Variants in SLC39A11 observed in about 807,000 individuals in gnomAD.
SLC39A11 encodes the protein solute carrier family 39 member 11.
Under a neutral mutation model 36.1 loss-of-function variants are expected in SLC39A11, and 33 were observed. The ratio of observed to expected loss-of-function variants is 0.91; its 90% CI spans 0.69 to 1.22. The LOEUF (loss-of-function observed/expected upper bound fraction) is 1.22, where lower values mean the gene tolerates loss of function less well. Among genes scored for constraint, SLC39A11 ranks in the 50% most tolerant of loss-of-function variants. SLC39A11 has a pLI of 0.00. For synonymous variants in SLC39A11, 166 were observed against 170.3 expected, an observed-to-expected ratio of 0.97 and a Z score of 0.20; for missense variants, 432 against 430.3, an observed-to-expected ratio of 1.00 and a Z score of -0.03.
At chr17:72,816,533 A>T (rs1440466893) in intron 6 of SLC39A11, among the ~76,000 whole-genome samples, 1 of 152,208 alleles carries the variant, frequency 6.6e-6, no homozygotes, top group Non-Finnish European at 1.5e-5. Flanking sequence ...CATTAAGGAA[A>T]GCAACAGGGT....
chr17:72,687,014 T>C (rs1342605447), intron 7 of SLC39A11, among the ~76,000 whole-genome samples: 2 of 152,202 alleles, frequency 1.3e-5, no homozygotes, highest in Admixed American at 6.5e-5. Context: ...AAAGTCCTTT[T>C]TTTTAAGTGT....
At chr17:73,081,735 A>ATATATGTATGTG (rs2060537118) in intron 3 of SLC39A11, among the ~76,000 whole-genome samples, 2 of 119,514 alleles carry the variant, frequency 1.7e-5, no homozygotes, top group Admixed American at 8.9e-5. Flanking sequence ...ATATGTATGT[A>ATATATGTATGTG]TATATATATA....
intron 7 of SLC39A11, among the ~76,000 whole-genome samples, chr17:72,702,706 G>C (rs954381392): frequency 6.6e-6 from 1 of 151,978 alleles, no homozygotes; most frequent in South Asian, 2.1e-4. Context: ...GGAGGCTGAG[G>C]CGGGTGGATC....
At chr17:72,941,909 C>A (rs1271186321) in intron 5 of SLC39A11, among the ~76,000 whole-genome samples, 1 of 144,462 alleles carries the variant, frequency 6.9e-6, no homozygotes, top group Admixed American at 7.0e-5. Flanking sequence ...GAGACAGAGT[C>A]TCACTCTGTC....
intron 3 of SLC39A11, among the ~76,000 whole-genome samples, chr17:73,064,831 AT>A (rs2059951042): frequency 6.6e-6 from 1 of 152,130 alleles, no homozygotes. Context: ...TTCTCAGCCC[AT>A]AATGTCAGCT....
At chr17:72,871,493 A>G (rs1457981977) in intron 5 of SLC39A11, among the ~76,000 whole-genome samples, 2 of 151,986 alleles carry the variant, frequency 1.3e-5, no homozygotes, top group African/African-American at 4.8e-5. Flanking sequence ...TGGGCCCCAC[A>G]CCCAAACCTG....
chr17:72,918,667 C>A (rs2083465873), intron 5 of SLC39A11, among the ~76,000 whole-genome samples: 2 of 152,208 alleles, frequency 1.3e-5, no homozygotes, highest in African/African-American at 4.8e-5. Context: ...TTGTGCTGCA[C>A]AGATGACAAA....
At chr17:72,736,841 A>G in intron 6 of SLC39A11, 122 bp from the exon 7 acceptor site, 1 of 837,506 alleles carries the variant, frequency 1.2e-6, no homozygotes, top group South Asian at 1.4e-5. Context: ...AATCATCGTA[A>G]CAGCAGCTTA....
intron 6 of SLC39A11, among the ~76,000 whole-genome samples, chr17:72,738,582 C>T (rs541787015): frequency 5.9e-5 from 9 of 152,204 alleles, no homozygotes; most frequent in African/African-American, 2.2e-4. Context: ...TGGACCTGAT[C>T]CAGTGGCCAC....
intron 5 of SLC39A11, among the ~76,000 whole-genome samples, chr17:72,934,749 G>T (rs1006829471): frequency 2.0e-5 from 3 of 152,130 alleles, no homozygotes; most frequent in African/African-American, 7.2e-5. Flanking sequence ...CAAAGAAGAT[G>T]TACAGATGGC....
At chr17:72,922,986 A>AAC (rs2083779819) in intron 5 of SLC39A11, among the ~76,000 whole-genome samples, 1 of 149,584 alleles carries the variant, frequency 6.7e-6, no homozygotes, top group African/African-American at 2.5e-5. Context: ...AAAAAAAAAA[A>AAC]AAAACACACA....
At chr17:72,673,502 T>C (rs1396214296) in intron 7 of SLC39A11, among the ~76,000 whole-genome samples, 3 of 151,770 alleles carry the variant, frequency 2.0e-5, no homozygotes, top group Non-Finnish European at 4.4e-5. Flanking sequence ...CATCAGGTGG[T>C]AATAGAATTC....
chr17:73,087,866 G>GA (rs576666464), intron 2 of SLC39A11, among the ~76,000 whole-genome samples: 35 of 151,554 alleles, frequency 2.3e-4, no homozygotes, highest in Non-Finnish European at 4.1e-4. Flanking sequence ...GAGATGGGTT[G>GA]AAAAAAAAGG....
At chr17:73,075,698 C>T (rs776518529) in intron 3 of SLC39A11, among the ~76,000 whole-genome samples, 6 of 152,118 alleles carry the variant, frequency 3.9e-5, no homozygotes, top group Non-Finnish European at 8.8e-5. Flanking sequence ...ACTAAAAATA[C>T]AAACATTAGC....
At chr17:72,939,269 T>C (rs1398168173) in intron 5 of SLC39A11, among the ~76,000 whole-genome samples, 1 of 152,142 alleles carries the variant, frequency 6.6e-6, no homozygotes, top group East Asian at 1.9e-4. Context: ...GAAACCAGCC[T>C]GGCCAACATG....
At chr17:72,926,709 T>G (rs917754630) in intron 5 of SLC39A11, among the ~76,000 whole-genome samples, 2 of 152,068 alleles carry the variant, frequency 1.3e-5, no homozygotes, top group Non-Finnish European at 2.9e-5. Flanking sequence ...CCAGATGAGT[T>G]CTGCCGTGTT....
At chr17:72,706,537 G>C (rs933776849) in intron 7 of SLC39A11, among the ~76,000 whole-genome samples, 5 of 152,196 alleles carry the variant, frequency 3.3e-5, no homozygotes, top group African/African-American at 2.4e-5. Flanking sequence ...CAAGCTTAAA[G>C]GGCAGTGGCA....
intron 7 of SLC39A11, among the ~76,000 whole-genome samples, chr17:72,659,088 C>A (rs978577518): frequency 6.6e-6 from 1 of 152,184 alleles, no homozygotes; most frequent in Non-Finnish European, 1.5e-5. Context: ...CTGGAAGCCT[C>A]TTCTCAGGAG....
chr17:72,911,265 G>A (rs1406772440), intron 5 of SLC39A11, among the ~76,000 whole-genome samples: 1 of 152,050 alleles, frequency 6.6e-6, no homozygotes, highest in East Asian at 1.9e-4. Flanking sequence ...GGGGCCTGTT[G>A]TGGGGTGGAG....
Sources: gnomAD v4.1 joint callset for allele counts (sites outside exome capture counted in the v4.1 genomes callset) on GRCh38, gnomAD v4.1.1 for gene constraint, MANE v1.5 for transcripts, NCBI Gene and HGNC (gene_info 2026-07-23, HGNC 2026-07-21) for gene names.